The following STAM variants were observed in gnomAD, a reference collection of about 807,000 sequenced individuals.
STAM encodes the protein signal transducing adaptor molecule.
In STAM, 16 loss-of-function variants were observed where a neutral mutation model predicts 63.4. That is an observed-to-expected ratio of 0.25 (90% CI 0.17 to 0.38). The LOEUF is 0.38. STAM is among the 10% of genes least tolerant of loss of function. The pLI, the probability that STAM is intolerant of heterozygous loss-of-function variation, is 1.00. For missense variants in STAM, 636 were observed against 657.1 expected, an observed-to-expected ratio of 0.97 and a Z score of 0.35; for synonymous variants, 238 against 223.9, an observed-to-expected ratio of 1.06 and a Z score of -0.56.
intron 12 of STAM, among the ~76,000 whole-genome samples, chr10:17,706,632 G>T (rs782720576): frequency 6.6e-6 from 1 of 151,934 alleles, no homozygotes; most frequent in Non-Finnish European, 1.5e-5. Context: ...ACCCGCCTCG[G>T]CCTCCCAAAG....
At chr10:17,659,999 C>T (rs990227813) in intron 1 of STAM, among the ~76,000 whole-genome samples, 11 of 151,820 alleles carry the variant, frequency 7.2e-5, no homozygotes, top group African/African-American at 2.7e-4. Context: ...TAAGGAAATA[C>T]ATTCAGTCAA....
In STAM at chr10:17,708,876, C is replaced by G; in HGVS notation, c.1310C>G (p.Ser437Cys). The stretch of plus-strand genomic sequence containing the variant: ...AGTCTTCCCCCGGAGCAGCTGTCTT[C>G]TCTCAGCCAGGCAGTGGTCCCACCA... The part of the protein sequence containing the change: ...SYSLPPEQLS[S>C]LSQAVVPPSA... The change falls in exon 13 of 14, where the codon TCT (serine) becomes TGT (cysteine). Residue 437 changes from serine to cysteine, a missense_variant. By Grantham distance (112) the Ser-to-Cys change is moderately radical (BLOSUM62 -1). Transcript: ENST00000377524. 1 of 1,614,220 alleles carries G rather than the reference C, an allele frequency of 6.2e-7. No individual in the cohort carries two copies. The highest frequency in any genetic ancestry group is 8.5e-7 in the Non-Finnish European group (1 of 1,180,018).
At chr10:17,696,269 A>T (rs1835752140) in intron 7 of STAM, 1 of 151,922 alleles carries the variant, frequency 6.6e-6, no homozygotes, top group Non-Finnish European at 1.5e-5. Context: ...AGTGCTTGCT[A>T]GCTTTCCATA....
rs1554830763 is a variant in STAM at position 17,715,393 on chromosome 10, A to G, written c.*613A>G. 6.3e-6 allele frequency: 1 copy of G among 158,134 alleles called. No individual in the cohort carries two copies. The highest frequency in any genetic ancestry group is 1.4e-5 in the Non-Finnish European group (1 of 71,282). The allele number at this position is 158,134 out of a possible 1,614,324, so 9.8% of individuals were successfully genotyped here. ...TACTAATTGTGAGCTAAAGAGATATATATATATATGTGTGTGTATATATAT... is the reference window on the plus strand; with the variant it reads ...TACTAATTGTGAGCTAAAGAGATATGTATATATATGTGTGTGTATATATAT... On this transcript the variant is annotated 3_prime_UTR_variant, in exon 14 of 14. Transcript: ENST00000377524.
At chr10:17,710,144 C>T (rs1479998139) in intron 13 of STAM, among the ~76,000 whole-genome samples, 1 of 151,876 alleles carries the variant, frequency 6.6e-6, no homozygotes, top group African/African-American at 2.4e-5. Flanking sequence ...TAGTATTAGC[C>T]GGAACTGCCA....
chr10:17,708,930 A>G lies in STAM; in HGVS notation c.1364A>G (p.Gln455Arg). The G allele has an allele frequency of 6.2e-7, 1 of 1,614,028 alleles. No homozygotes were observed. Among genetic ancestry groups the G allele is most frequent in the Non-Finnish European group, 8.5e-7 (1 of 1,179,910 alleles). ...PSANPALPSQ[Q>R]TQAAYPNTMV... Reference sequence around the variant, plus strand: ...GCAAACCCAGCCCTTCCTAGTCAGCAGACTCAGGCCGCTTACCCAAAGTAA... The same window carrying G: ...GCAAACCCAGCCCTTCCTAGTCAGCGGACTCAGGCCGCTTACCCAAAGTAA... Residue 455 changes from glutamine (Q) to arginine (R), a missense_variant, in exon 13 of 14, where the codon CAG becomes CGG. Physicochemically the swap from Gln to Arg is conservative, Grantham distance 43 (BLOSUM62 1). This residue lies in a region of STAM where 532 missense variants were observed against 536.9 expected (regional missense o/e 0.99). Coordinates refer to ENST00000377524, the MANE Select transcript of STAM (RefSeq NM_003473.4).
chr10:17,667,957 G>A (rs1834463643), intron 2 of STAM, among the ~76,000 whole-genome samples: 1 of 152,222 alleles, frequency 6.6e-6, no homozygotes, highest in Non-Finnish European at 1.5e-5. Flanking sequence ...TAGAAAAATA[G>A]AAGATGATGG....
In STAM at chr10:17,714,976, A is replaced by T. The variant is rs45470994; in HGVS notation, c.*196A>T. ...GAGGTTCTTCCCCCCCCGCCCCTGC[A>T]GAGGAATGAAACTACTTACAACATT... On this transcript the variant is annotated 3_prime_UTR_variant, in exon 14 of 14. Coordinates refer to ENST00000377524, the MANE Select transcript of STAM (RefSeq NM_003473.4). 12,042 of 578,632 alleles carry T rather than the reference A, an allele frequency of 0.021. 178 individuals are homozygous for T. The highest frequency in any genetic ancestry group is 0.036 in the South Asian group (1,758 of 49,358). 35.8% of individuals were successfully genotyped at this position (578,632 alleles called of 1,614,324 possible).
chr10:17,685,018 CT>C, intron 4 of STAM, 91 bp downstream of exon 4: 3 of 1,035,720 alleles, frequency 2.9e-6, no homozygotes, highest in Non-Finnish European at 4.2e-6. Flanking sequence ...CTATTCTGTG[CT>C]TTTTAAGAAA....
intron 12 of STAM, among the ~76,000 whole-genome samples, chr10:17,707,663 T>G (rs1285105514): frequency 6.6e-6 from 1 of 152,006 alleles, no homozygotes; most frequent in African/African-American, 2.4e-5. Flanking sequence ...AAAATAAAGT[T>G]AGGAGGACTG....
chr10:17,693,348 A>C (rs782418723), intron 6 of STAM, 36 bp downstream of exon 6: 2 of 1,500,380 alleles, frequency 1.3e-6, no homozygotes, highest in Non-Finnish European at 9.1e-7. Flanking sequence ...GGAATAACAT[A>C]AGCCTTTATT....
At chr10:17,659,771 TG>T (rs1314173363) in intron 1 of STAM, among the ~76,000 whole-genome samples, 8 of 152,198 alleles carry the variant, frequency 5.3e-5, no homozygotes, top group African/African-American at 1.9e-4. Flanking sequence ...CCTCTAATGC[TG>T]TTTTTTTCTT....
intron 1 of STAM, among the ~76,000 whole-genome samples, chr10:17,658,111 C>T (rs1834014723): frequency 6.6e-6 from 1 of 151,942 alleles, no homozygotes; most frequent in Non-Finnish European, 1.5e-5. Flanking sequence ...TATAAATTTC[C>T]CTCTAACCAC....
At chr10:17,711,131 T>G (rs1183173448) in intron 13 of STAM, among the ~76,000 whole-genome samples, 1 of 152,168 alleles carries the variant, frequency 6.6e-6, no homozygotes, top group African/African-American at 2.4e-5. Flanking sequence ...GTAGGCAGGT[T>G]TTTTAGCACT....
At chr10:17,667,527 T>A (rs1239881106) in intron 2 of STAM, among the ~76,000 whole-genome samples, 1 of 152,254 alleles carries the variant, frequency 6.6e-6, no homozygotes, top group Non-Finnish European at 1.5e-5. Flanking sequence ...CGTTCGTCAT[T>A]TTTTCTTTTA....
At chr10:17,644,426 C>G (rs782626781) in intron 1 of STAM, 47 bp downstream of exon 1, 1 of 1,610,554 alleles carries the variant, frequency 6.2e-7, no homozygotes, top group East Asian at 2.2e-5. Flanking sequence ...GGACTGCACG[C>G]TCACTCTGCC....
At position 17,665,678 on chromosome 10, in the gene STAM, A is replaced by C. The variant is rs371678606; in HGVS notation, c.125+5130A>C. On this transcript the variant is annotated intron_variant, in intron 2 of 13. Transcript: ENST00000377524. ...CATGTAGAATATCTAACACATATAC[A>C]TAATTACTGAATGAAAATTAGTAAT... Among the ~76,000 whole-genome samples the C allele has an allele frequency of 4.0e-4, 61 of 152,094 alleles. No individual in the cohort carries two copies. In the South Asian group the frequency reaches 0.013, roughly 32 times the overall value.
intron 9 of STAM, 71 bp downstream of exon 9, chr10:17,700,350 A>C: frequency 8.2e-7 from 1 of 1,215,856 alleles, no homozygotes; most frequent in Non-Finnish European, 1.1e-6. Context: ...TTTAAGAAAA[A>C]ATTGATTACT....
chr10:17,683,264 A>T (rs886732615), intron 2 of STAM, among the ~76,000 whole-genome samples: 2 of 152,072 alleles, frequency 1.3e-5, no homozygotes, highest in Non-Finnish European at 1.5e-5. Context: ...CTGGGGCTCA[A>T]GTGAACCTCC....
Sources: allele counts gnomAD v4.1 joint callset (sites outside exome capture counted in the v4.1 genomes callset), GRCh38; gene constraint gnomAD v4.1.1; regional missense constraint gnomAD v4.1.1; transcripts MANE v1.5; gene names NCBI Gene and HGNC (gene_info 2026-07-23, HGNC 2026-07-21).